PFKFB2: variants seen among roughly 807,000 people sequenced by gnomAD.
The protein encoded by PFKFB2 is 6-phosphofructo-2-kinase/fructose-2,6-biphosphatase 2, also known as 6-phosphofructo-2-kinase/fructose-2,6-bisphosphatase 2.
A neutral mutation model predicts 68.0 loss-of-function variants in PFKFB2; 53 were observed. The observed-to-expected ratio is 0.78, with a 90% CI of 0.63 to 0.98. The LOEUF (loss-of-function observed/expected upper bound fraction) is 0.98, where lower values mean the gene tolerates loss of function less well. Ranked by LOEUF, PFKFB2 falls within the 50% of genes least tolerant of loss-of-function variation. The probability of loss-of-function intolerance (pLI) is 0.00; values close to 1 mark genes in which losing one functional copy is unlikely to be tolerated. For synonymous variants in PFKFB2, 222 were observed against 227.6 expected, an observed-to-expected ratio of 0.98 and a Z score of 0.22; for missense variants, 451 against 642.0, an observed-to-expected ratio of 0.70 and a Z score of 3.22.
At chr1:207,038,996 A>G (rs1682430988) in intron 1 of PFKFB2, among the ~76,000 whole-genome samples, 1 of 152,304 alleles carries the variant, frequency 6.6e-6, no homozygotes, top group South Asian at 2.1e-4. Flanking sequence ...GATTTGTTAA[A>G]CCATTTAACA....
chr1:207,061,895 C>T (rs942841382), intron 2 of PFKFB2, 58 bp from the exon 3 acceptor site: 2 of 1,506,900 alleles, frequency 1.3e-6, no homozygotes, highest in African/African-American at 2.8e-5. Context: ...AAACAAACAC[C>T]AAAAAACCTT....
chr1:207,076,036 G>A lies in PFKFB2; in HGVS notation c.*3665G>A. The stretch of plus-strand genomic sequence containing the variant: ...TCTGCCCTATATCTTTGCCTCTGGT[G>A]TTTCGTTGTTGTTGTTATTGTTTGT... On this transcript the variant is annotated 3_prime_UTR_variant, in exon 15 of 15. Transcript: ENST00000367080. 1.0e-6 allele frequency: 1 copy of A among 985,360 alleles called. No individual in the cohort carries two copies. Among genetic ancestry groups the A allele is most frequent in the Non-Finnish European group, 1.2e-6 (1 of 829,920 alleles). 61.0% of individuals were successfully genotyped at this position (985,360 alleles called of 1,614,324 possible).
chr1:207,050,595 C>T (rs3123024), upstream of PFKFB2: 8,430 of 1,556,834 alleles, frequency 5.4e-3, 387 homozygotes, highest in African/African-American at 0.1. Flanking sequence ...CCCGCCGACT[C>T]ACAGCCACCT....
At chr1:207,062,188 A>G in intron 3 of PFKFB2, 110 bp downstream of exon 3, 1 of 1,408,068 alleles carries the variant, frequency 7.1e-7, no homozygotes, top group Non-Finnish European at 9.8e-7. Context: ...TTTTGGCAGA[A>G]ATAGCAGTTG....
chr1:207,068,646 C>A (rs1382489023), intron 10 of PFKFB2, among the ~76,000 whole-genome samples: 4 of 152,188 alleles, frequency 2.6e-5, no homozygotes, highest in Non-Finnish European at 5.9e-5. Context: ...CAACCCACTT[C>A]TTTGCTTTCT....
intron 2 of PFKFB2, among the ~76,000 whole-genome samples, chr1:207,061,175 A>ATT (rs148734739): frequency 0.14 from 6,345 of 43,832 alleles, 1,384 homozygotes; most frequent in African/African-American, 0.4. Context: ...TTATATATAT[A>ATT]TATATATATA....
chr1:207,049,302 A>T, upstream of PFKFB2: 1 of 1,614,158 alleles, frequency 6.2e-7, no homozygotes. Context: ...CCCTTTTGGT[A>T]TATCCTGCAT....
chr1:207,049,119 G>A, upstream of PFKFB2: 1 of 1,614,018 alleles, frequency 6.2e-7, no homozygotes, highest in Non-Finnish European at 8.5e-7. Flanking sequence ...ATCTCAGGGT[G>A]AAGCGGTTGA....
At chr1:207,038,526 G>T (rs1413026939) in intron 1 of PFKFB2, among the ~76,000 whole-genome samples, 1 of 152,126 alleles carries the variant, frequency 6.6e-6, no homozygotes, top group Admixed American at 6.5e-5. Flanking sequence ...GTTTGCAAAT[G>T]CTGTACCCTC....
downstream of PFKFB2, chr1:207,080,008 TGTG>T (rs1390575388): frequency 1.3e-5 from 2 of 152,212 alleles, no homozygotes; most frequent in Admixed American, 6.5e-5. Context: ...TGGTCACTAT[TGTG>T]GTCACTGATC....
In PFKFB2 at chr1:207,072,361, G is replaced by C. The variant is rs1395512411; in HGVS notation, c.1508G>C (p.Gly503Ala). 1 of 1,612,786 alleles carries C rather than the reference G, an allele frequency of 6.2e-7. No homozygotes were observed. The highest frequency in any genetic ancestry group is 1.7e-5 in the Admixed American group (1 of 59,660). ...CTCCGTGCCCAGGACATGCAAGAAG[G>C]GGCCGACTAGCCGAAGACCCAAGTC... ...SPLRAQDMQE[G>A]AD The change falls in exon 15 of 15, where the codon GGG (glycine) becomes GCG (alanine). Residue 503 changes from glycine (G) to alanine (A), a missense_variant. Gly to Ala is a moderately conservative substitution (Grantham distance 60, BLOSUM62 0). Coordinates refer to ENST00000367080, the MANE Select transcript of PFKFB2 (RefSeq NM_006212.2).
rs536189464 is a variant in PFKFB2 at position 207,057,351 on chromosome 1, G to A, written c.85+2549G>A. ...AAACTAGCCGGGCATGGTGGCGGGC[G>A]CCTGTAGTCCCAGCTACTCGGGAAG... On this transcript the variant is annotated intron_variant, in intron 2 of 14. Transcript: ENST00000367080. 1.7e-3 allele frequency among the ~76,000 whole-genome samples: 238 copies of A among 144,162 alleles called. 1 individual carries two copies. Among genetic ancestry groups the A allele is most frequent in the South Asian group, 0.012 (55 of 4,542 alleles). The allele number at this position is 144,162 out of a possible 152,430, so 94.6% of individuals were successfully genotyped here.
rs1224107542 is a variant in PFKFB2, at chr1:207,057,334, C to T, written c.85+2532C>T. ...AAAAAAAAAAAAAAAAAAAACTAGCCGGGCATGGTGGCGGGCGCCTGTAGT... is the reference window on the plus strand; with the variant it reads ...AAAAAAAAAAAAAAAAAAAACTAGCTGGGCATGGTGGCGGGCGCCTGTAGT... On this transcript the variant is annotated intron_variant, in intron 2 of 14. Transcript: ENST00000367080. 4.2e-5 allele frequency among the ~76,000 whole-genome samples: 6 copies of T among 142,728 alleles called. No homozygotes were observed. The South Asian group carries it at 6.7e-4, about 16-fold the overall frequency. 93.6% of individuals were successfully genotyped at this position (142,728 alleles called of 152,430 possible). A position where few individuals can be genotyped will look rare whatever the true frequency, so the allele number is the denominator to read the frequency against.
intron 2 of PFKFB2, 72 bp from the exon 3 acceptor site, chr1:207,061,881 A>T: frequency 7.1e-7 from 1 of 1,402,428 alleles, no homozygotes. Flanking sequence ...ACTCCGTCTC[A>T]AAAAAACAAA....
intron 8 of PFKFB2, 68 bp from the exon 9 acceptor site, chr1:207,067,431 T>G: frequency 8.6e-7 from 1 of 1,160,722 alleles, no homozygotes; most frequent in Non-Finnish European, 1.3e-6. Context: ...GTAGAAATCC[T>G]TTTCCCTCTG....
Position 207,072,198 on chromosome 1 carries a change from A to G in PFKFB2, c.1351-6A>G. The G allele has an allele frequency of 6.2e-7, 1 of 1,613,248 alleles. No homozygotes were observed. The highest frequency in any genetic ancestry group is 8.5e-7 in the Non-Finnish European group (1 of 1,179,562). On this transcript the variant is annotated splice_polypyrimidine_tract_variant and splice_region_variant and intron_variant, in intron 14 of 14. Coordinates refer to ENST00000367080, the MANE Select transcript of PFKFB2 (RefSeq NM_006212.2). ...ATTTGTGTGGTGTCACTCCATTTCC[A>G]ATCAGAACAACTTCCCCAAGAACCA...
In PFKFB2 at chr1:207,068,251, C is replaced by T. The variant is rs1288454769; in HGVS notation, c.929C>T (p.Thr310Ile). Residue 310 changes from threonine to isoleucine, a missense_variant, in exon 10 of 15, where the codon ACT (threonine) becomes ATT (isoleucine). Thr to Ile is a moderately conservative substitution (Grantham distance 89, BLOSUM62 -1). Coordinates refer to ENST00000367080, the MANE Select transcript of PFKFB2 (RefSeq NM_006212.2). ...AGCCAGTTGAAGAGGACCATACAGA[C>T]TGCTGAATCTCTCGGGGTGCCCTAT... ...WTSQLKRTIQ[T>I]AESLGVPYEQ... The T allele has an allele frequency of 1.9e-6, 3 of 1,610,966 alleles. No individual in the cohort carries two copies. The African/African-American group carries it at 4.0e-5, about 22-fold the overall frequency.
chr1:207,077,764 T>C lies in PFKFB2; in HGVS notation c.*5393T>C. The C allele has an allele frequency of 1.0e-6, 1 of 985,804 alleles. No individual in the cohort carries two copies. 61.1% of individuals were successfully genotyped at this position (985,804 alleles called of 1,614,324 possible). ...GCATAACTGTATTTGAAATGTGTTT[T>C]TGTGTGCGTGTGTGTAGAATGGGTA... On this transcript the variant is annotated 3_prime_UTR_variant, in exon 15 of 15. Coordinates refer to ENST00000367080, the MANE Select transcript of PFKFB2 (RefSeq NM_006212.2).
chr1:207,056,105 T>G lies in PFKFB2; in HGVS notation c.85+1303T>G, dbSNP rs149860441. 4.6e-4 allele frequency among the ~76,000 whole-genome samples: 70 copies of G among 152,272 alleles called. No homozygotes were observed. In the East Asian group the frequency reaches 0.011, roughly 24 times the overall value. On this transcript the variant is annotated intron_variant, in intron 2 of 14. Coordinates refer to ENST00000367080, the MANE Select transcript of PFKFB2 (RefSeq NM_006212.2). ...TTACTCCTTTTAAAAGTGGGAATACTAACAGTGTCTCCCCCAAGAGTGATG... is the reference window on the plus strand; with the variant it reads ...TTACTCCTTTTAAAAGTGGGAATACGAACAGTGTCTCCCCCAAGAGTGATG...
Sources: gnomAD v4.1 joint callset for allele counts (sites outside exome capture counted in the v4.1 genomes callset) on GRCh38, gnomAD v4.1.1 for gene constraint, MANE v1.5 for transcripts, NCBI Gene and HGNC (gene_info 2026-07-23, HGNC 2026-07-21) for gene names.